The following GNG4 variants were observed in gnomAD, a reference collection of about 807,000 sequenced individuals.
The protein encoded by GNG4 is G protein subunit gamma 4.
In GNG4, 4 loss-of-function variants were observed where a neutral mutation model predicts 5.8. The ratio of observed to expected loss-of-function variants is 0.69; its 90% CI spans 0.34 to 1.57. GNG4 has a LOEUF of 1.57. Among genes scored for constraint, GNG4 ranks in the 40% most tolerant of loss-of-function variants. The pLI, the probability that GNG4 is intolerant of heterozygous loss-of-function variation, is 0.06. For synonymous variants in GNG4, 29 were observed against 32.9 expected (o/e 0.88, Z 0.41); for missense variants, 96 against 95.1 (o/e 1.01, Z -0.04).
chr1:235,610,970 C>T (rs1475720936), intron 1 of GNG4, among the ~76,000 whole-genome samples: 2 of 152,154 alleles, frequency 1.3e-5, no homozygotes, highest in Non-Finnish European at 2.9e-5. Context: ...TGCCTGTAGT[C>T]CCAGCTACGC....
At chr1:235,575,247 C>T (rs1293824911) in intron 3 of GNG4, among the ~76,000 whole-genome samples, 3 of 152,204 alleles carry the variant, frequency 2.0e-5, no homozygotes, top group Admixed American at 1.3e-4. Context: ...GAAAGCAATA[C>T]GCATTCAGTA....
intron 3 of GNG4, among the ~76,000 whole-genome samples, chr1:235,576,254 G>C (rs1687482340): frequency 6.6e-6 from 1 of 151,694 alleles, no homozygotes; most frequent in Non-Finnish European, 1.5e-5. Flanking sequence ...TAGTAGGGAG[G>C]GGTTTCACCA....
At chr1:235,580,755 T>A (rs955102603) in intron 3 of GNG4, among the ~76,000 whole-genome samples, 1 of 147,820 alleles carries the variant, frequency 6.8e-6, no homozygotes, top group African/African-American at 2.5e-5. Flanking sequence ...TGTTTTTTTT[T>A]TTTTTTTTTT....
chr1:235,584,652 G>C (rs1687718333), intron 2 of GNG4, among the ~76,000 whole-genome samples: 1 of 123,312 alleles, frequency 8.1e-6, no homozygotes, highest in Non-Finnish European at 1.7e-5. Context: ...CCAGTGTAGT[G>C]CTACCTGTTT....
At chr1:235,568,446 T>A (rs1047202961) in intron 3 of GNG4, among the ~76,000 whole-genome samples, 3 of 152,240 alleles carry the variant, frequency 2.0e-5, no homozygotes, top group African/African-American at 4.8e-5. Context: ...TAAATTAACA[T>A]AATTATGCAC....
intron 3 of GNG4, among the ~76,000 whole-genome samples, chr1:235,580,056 C>T (rs1687590226): frequency 6.6e-6 from 1 of 152,110 alleles, no homozygotes; most frequent in African/African-American, 2.4e-5. Flanking sequence ...TGTGGTCTAT[C>T]CATGCAATGG....
intron 3 of GNG4, among the ~76,000 whole-genome samples, chr1:235,572,844 T>C (rs1425448562): frequency 6.6e-6 from 1 of 152,050 alleles, no homozygotes; most frequent in Non-Finnish European, 1.5e-5. Flanking sequence ...CCGTCATATA[T>C]GCAGTCTGTC....
At chr1:235,559,996 G>A (rs1226852452) in intron 3 of GNG4, among the ~76,000 whole-genome samples, 1 of 152,156 alleles carries the variant, frequency 6.6e-6, no homozygotes, top group Non-Finnish European at 1.5e-5. Flanking sequence ...ACTTAACCAA[G>A]CCCGTTCAAC....
At chr1:235,614,549 TCA>T (rs1688547542) in intron 1 of GNG4, 2 of 152,224 alleles carry the variant, frequency 1.3e-5, no homozygotes, top group Admixed American at 1.3e-4. Context: ...GGATCAGGGT[TCA>T]GGCAGATGGG....
intron 2 of GNG4, among the ~76,000 whole-genome samples, chr1:235,593,832 T>C (rs1048576220): frequency 6.6e-6 from 1 of 152,162 alleles, no homozygotes; most frequent in Non-Finnish European, 1.5e-5. Flanking sequence ...TGGTGAGTGT[T>C]ACAGCTCATA....
At chr1:235,650,386 G>C (rs1417533738), upstream of GNG4, among the ~76,000 whole-genome samples, 1 of 152,052 alleles carries the variant, frequency 6.6e-6, no homozygotes, top group East Asian at 1.9e-4. Context: ...CTGGGGACGG[G>C]GCCGCGGTCA....
intron 1 of GNG4, among the ~76,000 whole-genome samples, chr1:235,607,645 G>T (rs116727935): frequency 9.2e-4 from 140 of 152,354 alleles, no homozygotes; most frequent in African/African-American, 3.4e-3. Context: ...GTTCGCAGCA[G>T]TTCATCCATC....
At chr1:235,569,697 A>G (rs563024396) in intron 3 of GNG4, among the ~76,000 whole-genome samples, 1 of 151,496 alleles carries the variant, frequency 6.6e-6, no homozygotes, top group South Asian at 2.1e-4. Context: ...CCTCCCGAGT[A>G]GCTGGGATTA....
chr1:235,624,509 A>G (rs1294264532), intron 1 of GNG4, among the ~76,000 whole-genome samples: 3 of 152,142 alleles, frequency 2.0e-5, no homozygotes, highest in Non-Finnish European at 4.4e-5. Flanking sequence ...TGAGTTTTCC[A>G]TTTCATTTTT....
chr1:235,638,313 C>A (rs1308701684), intron 1 of GNG4, among the ~76,000 whole-genome samples: 2 of 151,986 alleles, frequency 1.3e-5, no homozygotes, highest in Non-Finnish European at 2.9e-5. Context: ...TAAAACAATG[C>A]AGTTTTATTA....
intron 2 of GNG4, among the ~76,000 whole-genome samples, chr1:235,587,730 C>A (rs1687848541): frequency 4.5e-5 from 1 of 22,316 alleles, no homozygotes. Flanking sequence ...GGGTGTGGGT[C>A]AGGGTTCAGG....
chr1:235,630,391 G>C (rs1299172695), intron 1 of GNG4, among the ~76,000 whole-genome samples: 6 of 152,182 alleles, frequency 3.9e-5, no homozygotes, highest in Admixed American at 2.0e-4. Context: ...AGCAGCCTGT[G>C]ACTCAACTAC....
At chr1:235,581,852 T>A (rs1041368025) in intron 3 of GNG4, among the ~76,000 whole-genome samples, 6 of 152,184 alleles carry the variant, frequency 3.9e-5, no homozygotes, top group Non-Finnish European at 7.3e-5. Flanking sequence ...GAAGAAGCCT[T>A]CATTCTTGAA....
At chr1:235,563,667 C>G (rs943402792) in intron 3 of GNG4, among the ~76,000 whole-genome samples, 1 of 152,044 alleles carries the variant, frequency 6.6e-6, no homozygotes, top group Non-Finnish European at 1.5e-5. Flanking sequence ...ATGTTAAATA[C>G]TCACCTTCCC....
Sources: gnomAD v4.1 joint callset for allele counts (sites outside exome capture counted in the v4.1 genomes callset) on GRCh38, gnomAD v4.1.1 for gene constraint, MANE v1.5 for transcripts, NCBI Gene and HGNC (gene_info 2026-07-23, HGNC 2026-07-21) for gene names.